SEC23A: variants seen among roughly 807,000 people sequenced by gnomAD.
SEC23A encodes the protein protein transport protein Sec23A.
A neutral mutation model predicts 103.7 loss-of-function variants in SEC23A; 56 were observed. That is an observed-to-expected ratio of 0.54 (90% CI 0.44 to 0.67). The LOEUF (loss-of-function observed/expected upper bound fraction) is 0.67, where lower values mean the gene tolerates loss of function less well. Ranked by LOEUF, SEC23A falls within the 30% of genes least tolerant of loss-of-function variation. The pLI, the probability that SEC23A is intolerant of heterozygous loss-of-function variation, is 0.00. For synonymous variants in SEC23A, 281 were observed against 293.0 expected (o/e 0.96, Z 0.42); for missense variants, 784 against 936.4 (o/e 0.84, Z 2.12).
chr14:39,036,248 G>C (rs1036847144), intron 19 of SEC23A, among the ~76,000 whole-genome samples: 1 of 149,018 alleles, frequency 6.7e-6, no homozygotes, highest in Non-Finnish European at 1.5e-5. Flanking sequence ...CTTGAACCCA[G>C]GAGGCAGAGG....
At chr14:39,100,083 T>C (rs1888030685) in intron 1 of SEC23A, among the ~76,000 whole-genome samples, 1 of 152,188 alleles carries the variant, frequency 6.6e-6, no homozygotes, top group Non-Finnish European at 1.5e-5. Flanking sequence ...ACATACTAAA[T>C]ATCACCTGAG....
intron 19 of SEC23A, among the ~76,000 whole-genome samples, chr14:39,037,376 A>T (rs1885496138): frequency 6.6e-6 from 1 of 152,116 alleles, no homozygotes; most frequent in Non-Finnish European, 1.5e-5. Context: ...TAAAACCCCA[A>T]AATACCCTGT....
intron 13 of SEC23A, among the ~76,000 whole-genome samples, chr14:39,056,669 C>A (rs1886262707): frequency 6.6e-6 from 1 of 151,072 alleles, no homozygotes; most frequent in African/African-American, 2.4e-5. Context: ...CACCATGTAG[C>A]CCAGGCTGGT....
intron 7 of SEC23A, among the ~76,000 whole-genome samples, chr14:39,082,892 T>C (rs865835021): frequency 1.3e-5 from 2 of 152,170 alleles, no homozygotes; most frequent in African/African-American, 4.8e-5. Context: ...TCAGGAAAGA[T>C]TGAGGAACTG....
chr14:39,064,224 T>C (rs929544542), intron 11 of SEC23A, among the ~76,000 whole-genome samples: 1 of 152,138 alleles, frequency 6.6e-6, no homozygotes, highest in Non-Finnish European at 1.5e-5. Flanking sequence ...CTTGTACATA[T>C]TAATTTTTTA....
intron 19 of SEC23A, among the ~76,000 whole-genome samples, chr14:39,035,097 T>G (rs1427948779): frequency 2.0e-5 from 3 of 152,192 alleles, no homozygotes; most frequent in Admixed American, 6.5e-5. Context: ...TGCCACAGTT[T>G]AGCTACATGA....
At chr14:39,096,596 TAACAA>T (rs1887902101) in intron 1 of SEC23A, among the ~76,000 whole-genome samples, 3 of 151,458 alleles carry the variant, frequency 2.0e-5, no homozygotes, top group South Asian at 4.2e-4. Flanking sequence ...AAGCAACTCA[TAACAA>T]AATAATTAAT....
rs780579670 is a variant in SEC23A at position 39,091,465 on chromosome 14, CTTG to C, written c.603+9_603+11del. Reference sequence around the variant, plus strand: ...TTTCAGATAGGTAAAAACTACCATTCTTGTTGTTTACCTGCAGTTGTTTGGCAG... The same window carrying C: ...TTTCAGATAGGTAAAAACTACCATTCTTGTTTACCTGCAGTTGTTTGGCAG... On this transcript the variant is annotated intron_variant, in intron 5 of 19. Coordinates refer to ENST00000307712, the MANE Select transcript of SEC23A (RefSeq NM_006364.4). 4 of 1,589,510 alleles carry C rather than the reference CTTG, an allele frequency of 2.5e-6. No individual in the cohort carries two copies. The Admixed American group carries it at 6.7e-5, about 26-fold the overall frequency.
At chr14:39,043,598 G>A (rs1322340495) in intron 16 of SEC23A, among the ~76,000 whole-genome samples, 4 of 152,148 alleles carry the variant, frequency 2.6e-5, no homozygotes, top group African/African-American at 9.7e-5. Context: ...AAAGCAATGG[G>A]ATTAGACTAC....
intron 14 of SEC23A, among the ~76,000 whole-genome samples, chr14:39,051,255 A>G (rs1442891539): frequency 3.3e-5 from 5 of 152,184 alleles, no homozygotes; most frequent in Non-Finnish European, 7.3e-5. Context: ...TGCATTACAG[A>G]GCCAAATTGG....
At chr14:39,097,732 T>C (rs990363080) in intron 1 of SEC23A, among the ~76,000 whole-genome samples, 3 of 152,152 alleles carry the variant, frequency 2.0e-5, no homozygotes, top group African/African-American at 7.2e-5. Flanking sequence ...AAAAAGATTG[T>C]GGTTTTTCAA....
intron 13 of SEC23A, among the ~76,000 whole-genome samples, chr14:39,060,790 T>C (rs1172759580): frequency 6.6e-6 from 1 of 152,228 alleles, no homozygotes; most frequent in Non-Finnish European, 1.5e-5. Flanking sequence ...AACAAATACA[T>C]GCCTTATTTG....
chr14:39,037,597 A>G (rs1448767897), intron 19 of SEC23A, among the ~76,000 whole-genome samples: 5 of 152,178 alleles, frequency 3.3e-5, no homozygotes, highest in African/African-American at 1.2e-4. Flanking sequence ...TAAATACTTC[A>G]GGATGTATCT....
chr14:39,100,446 C>T (rs2139307332), intron 1 of SEC23A, among the ~76,000 whole-genome samples: 1 of 149,038 alleles, frequency 6.7e-6, no homozygotes, highest in East Asian at 2.0e-4. Context: ...CGGAGTTTCG[C>T]TCGTTGCCCA....
At chr14:39,097,677 T>C (rs961906597) in intron 1 of SEC23A, among the ~76,000 whole-genome samples, 2 of 152,208 alleles carry the variant, frequency 1.3e-5, no homozygotes, top group African/African-American at 4.8e-5. Flanking sequence ...TTTCCTCCAA[T>C]TGTGCCAGAA....
chr14:39,083,368 A>G (rs963356790), intron 7 of SEC23A, among the ~76,000 whole-genome samples: 2 of 151,822 alleles, frequency 1.3e-5, no homozygotes, highest in East Asian at 2.0e-4. Flanking sequence ...TCTCTCACCT[A>G]TCTGTGACCT....
At position 39,068,583 on chromosome 14, in the gene SEC23A, T is replaced by C. The variant is rs891821872; in HGVS notation, c.1104-1287A>G. On this transcript the variant is annotated intron_variant, in intron 9 of 19. Coordinates refer to ENST00000307712, the MANE Select transcript of SEC23A (RefSeq NM_006364.4). ...AAATAATCATGTAATTAGAGACTAG[T>C]TGAAAAAATATTACATCCACACAAT... Among the ~76,000 whole-genome samples, 8 of 152,174 alleles carry C rather than the reference T, an allele frequency of 5.3e-5. No homozygotes were observed. In the South Asian group the frequency reaches 1.2e-3, roughly 24 times the overall value.
At chr14:39,099,139 T>A (rs1887993120) in intron 1 of SEC23A, among the ~76,000 whole-genome samples, 2 of 147,914 alleles carry the variant, frequency 1.4e-5, no homozygotes, top group Admixed American at 1.4e-4. Flanking sequence ...CAAGCAAACA[T>A]TAAATTGTTT....
At chr14:39,088,398 A>G (rs528191361) in intron 5 of SEC23A, 1 of 151,784 alleles carries the variant, frequency 6.6e-6, no homozygotes, top group South Asian at 2.1e-4. Context: ...GGAGTTCAAG[A>G]CCAGCCTGGC....
Sources: allele counts gnomAD v4.1 joint callset (sites outside exome capture counted in the v4.1 genomes callset), GRCh38; gene constraint gnomAD v4.1.1; transcripts MANE v1.5; gene names NCBI Gene and HGNC (gene_info 2026-07-23, HGNC 2026-07-21).